The following CRYBG3 variants were observed in gnomAD, a reference collection of about 807,000 sequenced individuals.
The protein encoded by CRYBG3 is crystallin beta-gamma domain containing 3.
CRYBG3 carries 127 observed loss-of-function variants against 244.2 expected under a neutral mutation model. The observed-to-expected ratio is 0.52, with a 90% confidence interval of 0.45 to 0.60. The LOEUF is 0.60. Ranked by LOEUF, CRYBG3 falls within the 20% of genes least tolerant of loss-of-function variation. The pLI, the probability that CRYBG3 is intolerant of heterozygous loss-of-function variation, is 0.00. For synonymous variants in CRYBG3, 1,132 were observed against 1,195.8 expected, an observed-to-expected ratio of 0.95 and a Z score of 1.10; for missense variants, 3,325 against 3,442.5, an observed-to-expected ratio of 0.97 and a Z score of 0.85.
chr3:97,872,084 T>C lies in CRYBG3; in HGVS notation c.890T>C (p.Leu297Pro), dbSNP rs1344098233. 1 of 1,535,916 alleles carries C rather than the reference T, an allele frequency of 6.5e-7. No homozygotes were observed. The highest frequency in any genetic ancestry group is 2.4e-5 in the East Asian group (1 of 40,914). The change falls in exon 4 of 22, where the codon CTT (leucine) becomes CCT (proline). Residue 297 changes from leucine (L) to proline (P), a missense_variant. By Grantham distance (98) the Leu-to-Pro change is moderately conservative. This residue lies in a region of CRYBG3 where 1,526 missense variants were observed against 1,443.2 expected (regional missense o/e 1.06). Transcript: ENST00000389622. ...GACTCATCTATGAAAGGAAATCTAC[T>C]TGAAGGCCCATTAGAAGACTCTGAT... ...STDSSMKGNL[L>P]EGPLEDSDCS...
At chr3:97,868,684 G>T (rs1257531648) in intron 3 of CRYBG3, among the ~76,000 whole-genome samples, 1 of 152,100 alleles carries the variant, frequency 6.6e-6, no homozygotes. Flanking sequence ...TGCCTACCCT[G>T]CAAAGGACCC....
chr3:97,940,153 A>G (rs1490463131), intron 19 of CRYBG3, among the ~76,000 whole-genome samples: 1 of 151,998 alleles, frequency 6.6e-6, no homozygotes, highest in Non-Finnish European at 1.5e-5. Context: ...TTATTACATT[A>G]AGGCTGGAGG....
At chr3:97,844,265 T>C (rs1350051899) in intron 2 of CRYBG3, among the ~76,000 whole-genome samples, 1 of 152,120 alleles carries the variant, frequency 6.6e-6, no homozygotes, top group Non-Finnish European at 1.5e-5. Flanking sequence ...CTTCTGGTGG[T>C]TTTTTCATGT....
At chr3:97,890,434 A>G (rs1018487706) in intron 10 of CRYBG3, among the ~76,000 whole-genome samples, 3 of 152,152 alleles carry the variant, frequency 2.0e-5, no homozygotes, top group Non-Finnish European at 2.9e-5. Context: ...TCTTCCTTGG[A>G]CATTTGCAGT....
chr3:97,936,993 A>T (rs2040172407), intron 19 of CRYBG3, 85 bp downstream of exon 19: 1 of 1,471,344 alleles, frequency 6.8e-7, no homozygotes, highest in East Asian at 2.3e-5. Flanking sequence ...AATAATGATC[A>T]TTTAATTTAG....
chr3:97,875,125 G>T lies in CRYBG3; in HGVS notation c.3931G>T (p.Glu1311Ter). Residue 1311 changes from glutamate (E) to a stop codon, truncating the protein, a stop_gained, in exon 4 of 22, where the codon GAG (glutamate) becomes TAG (stop). Coordinates refer to ENST00000389622, the MANE Select transcript of CRYBG3 (RefSeq NM_153605.4). LOFTEE classifies it high-confidence loss of function. ...LEDKARELVN[E>*]IIYVAQEKLR... ...AGATAAAGCTAGGGAATTAGTCAAT[G>T]AGATTATTTATGTAGCCCAAGAAAA... 6.5e-7 allele frequency: 1 copy of T among 1,534,962 alleles called. No homozygotes were observed. The highest frequency in any genetic ancestry group is 1.7e-4 in the Middle Eastern group (1 of 5,980).
intron 12 of CRYBG3, among the ~76,000 whole-genome samples, chr3:97,898,003 G>A (rs182022090): frequency 2.4e-4 from 36 of 152,008 alleles, no homozygotes; most frequent in Admixed American, 2.2e-3. Flanking sequence ...GGTGGATCAC[G>A]AGGTCAGGAG....
chr3:97,854,794 C>T (rs1013495509), intron 2 of CRYBG3, among the ~76,000 whole-genome samples: 1 of 151,988 alleles, frequency 6.6e-6, no homozygotes, highest in Admixed American at 6.6e-5. Context: ...ATCATATCAT[C>T]AGCCAACAGT....
chr3:97,847,746 C>T lies in CRYBG3; in HGVS notation c.216+4485C>T, dbSNP rs367768258. Among the ~76,000 whole-genome samples, 3 of 152,234 alleles carry T rather than the reference C, an allele frequency of 2.0e-5. No individual in the cohort carries two copies. In the East Asian group the frequency reaches 5.8e-4, roughly 29 times the overall value. On this transcript the variant is annotated intron_variant, in intron 2 of 21. Coordinates refer to ENST00000389622, the MANE Select transcript of CRYBG3 (RefSeq NM_153605.4). Reference sequence around the variant, plus strand: ...CCTTATATGAAATCTACCACTGGTCCCATTTTAGAAATGCTGCTCATGACT... The same window carrying T: ...CCTTATATGAAATCTACCACTGGTCTCATTTTAGAAATGCTGCTCATGACT...
At chr3:97,910,458 T>G (rs1265185741) in intron 15 of CRYBG3, among the ~76,000 whole-genome samples, 1 of 152,150 alleles carries the variant, frequency 6.6e-6, no homozygotes, top group Non-Finnish European at 1.5e-5. Context: ...TGGTGTACCG[T>G]TTTTTAAGCC....
chr3:97,932,885 G>A (rs2040113981), intron 17 of CRYBG3, among the ~76,000 whole-genome samples: 1 of 152,064 alleles, frequency 6.6e-6, no homozygotes, highest in South Asian at 2.1e-4. Context: ...GAGCTCACAA[G>A]CCACCACATC....
At chr3:97,840,264 A>C (rs780310322) in intron 1 of CRYBG3, among the ~76,000 whole-genome samples, 14 of 152,110 alleles carry the variant, frequency 9.2e-5, no homozygotes, top group Non-Finnish European at 1.5e-4. Flanking sequence ...ATCCATGCTA[A>C]GAATGTTTCA....
At chr3:97,936,660 G>T in intron 18 of CRYBG3, 125 bp from the exon 19 acceptor site, 1 of 920,140 alleles carries the variant, frequency 1.1e-6, no homozygotes, top group East Asian at 2.6e-5. Context: ...AGGAAAAAAT[G>T]TGCAATTTTA....
At chr3:97,893,448 T>C (rs2039604652) in intron 11 of CRYBG3, among the ~76,000 whole-genome samples, 1 of 152,238 alleles carries the variant, frequency 6.6e-6, no homozygotes, top group African/African-American at 2.4e-5. Flanking sequence ...CTCCGGGCTC[T>C]GAACTGCTTT....
intron 15 of CRYBG3, among the ~76,000 whole-genome samples, chr3:97,905,939 A>G (rs1379566172): frequency 2.7e-5 from 4 of 148,064 alleles, no homozygotes; most frequent in Middle Eastern, 3.2e-3. Flanking sequence ...TAAGGAAGGG[A>G]TCCAGTTTCA....
chr3:97,831,836 A>T (rs2038657847), intron 1 of CRYBG3, among the ~76,000 whole-genome samples: 1 of 152,064 alleles, frequency 6.6e-6, no homozygotes, highest in Non-Finnish European at 1.5e-5. Context: ...CTCCTTCAAA[A>T]ATCTCATCTG....
At chr3:97,883,746 G>A (rs1211700441) in intron 7 of CRYBG3, among the ~76,000 whole-genome samples, 1 of 152,116 alleles carries the variant, frequency 6.6e-6, no homozygotes, top group African/African-American at 2.4e-5. Flanking sequence ...AGAGGCATGA[G>A]CCTTGTTTAA....
In CRYBG3 at chr3:97,876,718, G is replaced by A. The variant is rs1390151958; in HGVS notation, c.5524G>A (p.Val1842Met). Reference sequence around the variant, plus strand: ...TGGAGCAACTGTGTCCACACCCTCTGTGATAGAAATGGAAAAAATATCCCC... The same window carrying A: ...TGGAGCAACTGTGTCCACACCCTCTATGATAGAAATGGAAAAAATATCCCC... ...TIGATVSTPS[V>M]IEMEKISPED... Residue 1842 changes from valine (V) to methionine (M), a missense_variant, in exon 4 of 22, where the codon GTG (valine) becomes ATG (methionine). Physicochemically the swap from Val to Met is conservative, Grantham distance 21. This residue lies in a region of CRYBG3 where 635 missense variants were observed against 771.7 expected (regional missense o/e 0.82). Transcript: ENST00000389622. 13 of 1,257,712 alleles carry A rather than the reference G, an allele frequency of 1.0e-5. No homozygotes were observed. In the South Asian group the frequency reaches 2.6e-4, roughly 25 times the overall value. The allele number at this position is 1,257,712 out of a possible 1,614,324, so 77.9% of individuals were successfully genotyped here. A position where few individuals can be genotyped will look rare whatever the true frequency, so the allele number is the denominator to read the frequency against.
chr3:97,893,202 T>C (rs1298683175), intron 11 of CRYBG3, among the ~76,000 whole-genome samples: 1 of 152,180 alleles, frequency 6.6e-6, no homozygotes, highest in East Asian at 1.9e-4. Flanking sequence ...ATGTAGAAAA[T>C]AGTTTCTGAA....
Sources: gnomAD v4.1 joint callset for allele counts (sites outside exome capture counted in the v4.1 genomes callset) on GRCh38, gnomAD v4.1.1 for gene constraint, gnomAD v4.1.1 regional missense constraint, MANE v1.5 for transcripts, NCBI Gene and HGNC (gene_info 2026-07-23, HGNC 2026-07-21) for gene names.